The following SERINC5 variants were observed in gnomAD, a reference collection of about 807,000 sequenced individuals.
The protein encoded by SERINC5 is serine incorporator 5.
Under a neutral mutation model 63.1 loss-of-function variants are expected in SERINC5, and 41 were observed. That is an observed-to-expected ratio of 0.65 (90% CI 0.51 to 0.84). The LOEUF is 0.84. SERINC5 is among the 40% of genes least tolerant of loss of function. The probability of loss-of-function intolerance (pLI) is 0.00; values close to 1 mark genes in which losing one functional copy is unlikely to be tolerated. For missense variants in SERINC5, 523 were observed against 573.0 expected (o/e 0.91, Z 0.89); for synonymous variants, 222 against 215.2 (o/e 1.03, Z -0.28).
At chr5:80,219,877 T>C (rs955116365) in intron 1 of SERINC5, among the ~76,000 whole-genome samples, 1 of 152,148 alleles carries the variant, frequency 6.6e-6, no homozygotes, top group African/African-American at 2.4e-5. Flanking sequence ...ATTCAGGGTA[T>C]TGGCTACACA....
downstream of SERINC5, among the ~76,000 whole-genome samples, chr5:80,134,032 A>T (rs6863890): frequency 7.5e-3 from 1,140 of 152,304 alleles, 18 homozygotes; most frequent in African/African-American, 0.026. Context: ...TGGAGGAGCA[A>T]TTTGGAGGGG....
chr5:80,142,606 A>AT lies in SERINC5; in HGVS notation c.*1056dup, dbSNP rs1426207941. On this transcript the variant is annotated 3_prime_UTR_variant, in exon 12 of 12. Coordinates refer to ENST00000507668, the MANE Select transcript of SERINC5 (RefSeq NM_001174072.3). ...TCACATTAGCAAACCTACTCCAAGG[A>AT]TGCCAGCATGAACCTGAACGGTATG... 5 of 985,346 alleles carry AT rather than the reference A, an allele frequency of 5.1e-6. No individual in the cohort carries two copies. In the African/African-American group the frequency reaches 8.7e-5, roughly 17 times the overall value. The allele number at this position is 985,346 out of a possible 1,614,324, so 61.0% of individuals were successfully genotyped here. A position where few individuals can be genotyped will look rare whatever the true frequency, so the allele number is the denominator to read the frequency against.
intron 2 of SERINC5, among the ~76,000 whole-genome samples, chr5:80,191,496 GAA>G (rs70982033): frequency 7.5e-5 from 9 of 119,262 alleles, no homozygotes; most frequent in Non-Finnish European, 1.2e-4. Context: ...AAAAAAAAAA[GAA>G]AAAAAAAAAA....
intron 1 of SERINC5, among the ~76,000 whole-genome samples, chr5:80,251,930 C>T (rs1752442371): frequency 2.1e-5 from 1 of 47,504 alleles, no homozygotes; most frequent in Non-Finnish European, 4.8e-5. Flanking sequence ...TCATAAATGC[C>T]TATACTTGCC....
intron 1 of SERINC5, among the ~76,000 whole-genome samples, chr5:80,240,149 G>A (rs181313976): frequency 7.4e-4 from 112 of 152,262 alleles, no homozygotes; most frequent in African/African-American, 2.5e-3. Flanking sequence ...GTAGAAAACT[G>A]CACCAAGCTG....
chr5:80,111,825 CT>C (rs1372806434), intron 12 of SERINC5: 2 of 152,240 alleles, frequency 1.3e-5, no homozygotes, highest in African/African-American at 4.8e-5. Flanking sequence ...CCTTGAGATG[CT>C]GTTAATCTGT....
chr5:80,137,640 CTCAA>C (rs1561356514), downstream of SERINC5, among the ~76,000 whole-genome samples: 1 of 70,048 alleles, frequency 1.4e-5, no homozygotes, highest in Non-Finnish European at 3.5e-5. Context: ...AAGACTCTAA[CTCAA>C]AAAAAAAAAA....
At chr5:80,239,375 T>A in intron 1 of SERINC5, among the ~76,000 whole-genome samples, 1 of 150,606 alleles carries the variant, frequency 6.6e-6, no homozygotes, top group Non-Finnish European at 1.5e-5. Flanking sequence ...ATATTTTGGC[T>A]TCTTAGTGAA....
intron 4 of SERINC5, 127 bp from the exon 5 acceptor site, chr5:80,175,174 G>A: frequency 1.7e-6 from 1 of 603,302 alleles, no homozygotes; most frequent in Non-Finnish European, 3.0e-6. Flanking sequence ...AACCATATAA[G>A]ATATGTATTA....
Position 80,151,080 on chromosome 5 carries a change from A to G in SERINC5, c.987-132T>C, listed in dbSNP as rs563082299. On this transcript the variant is annotated intron_variant, in intron 8 of 11. Transcript: ENST00000507668. ...CTACCGTTCAGGAGACTTAAATCAAAGCAATCTATTTTAATACCTCTCCTT... is the reference window on the plus strand; with the variant it reads ...CTACCGTTCAGGAGACTTAAATCAAGGCAATCTATTTTAATACCTCTCCTT... 5.7e-4 allele frequency: 405 copies of G among 709,462 alleles called. 1 individual carries two copies. Among genetic ancestry groups the G allele is most frequent in the Middle Eastern group, 2.3e-3 (6 of 2,640 alleles). 43.9% of individuals were successfully genotyped at this position (709,462 alleles called of 1,614,324 possible).
intron 11 of SERINC5, 67 bp downstream of exon 11, chr5:80,146,023 C>A: frequency 1.9e-6 from 3 of 1,544,400 alleles, no homozygotes; most frequent in Middle Eastern, 1.7e-4. Flanking sequence ...CAAACAAACA[C>A]GAACAGTACT....
intron 5 of SERINC5, 114 bp from the exon 6 acceptor site, chr5:80,169,660 A>T: frequency 1.4e-6 from 1 of 736,164 alleles, no homozygotes; most frequent in African/African-American, 1.7e-5. Context: ...TACAGGCCAC[A>T]GGCACTGGTA....
chr5:80,220,987 T>A, intron 1 of SERINC5, among the ~76,000 whole-genome samples: 1 of 149,066 alleles, frequency 6.7e-6, no homozygotes, highest in Non-Finnish European at 1.5e-5. Context: ...CCCCCAAGAG[T>A]GGAGGAAGCC....
chr5:80,118,631 T>A (rs980122643), intron 11 of SERINC5, among the ~76,000 whole-genome samples: 5 of 151,988 alleles, frequency 3.3e-5, no homozygotes, highest in African/African-American at 1.2e-4. Flanking sequence ...AGCTGAAACC[T>A]CTGCCTCCCA....
At position 80,174,984 on chromosome 5, in the gene SERINC5, A is replaced by G; in HGVS notation, c.521T>C (p.Val174Ala). The change falls in exon 5 of 12, where the codon GTG (valine) becomes GCG (alanine). Residue 174 changes from valine to alanine, a missense_variant. By Grantham distance (64) the Val-to-Ala change is moderately conservative. Coordinates refer to ENST00000507668, the MANE Select transcript of SERINC5 (RefSeq NM_001174072.3). ...CTTGTTCCACTTATGTGCAAACTCC[A>G]CGAGCAGGAGGAGCTGGATGCCAAT... ...LFIGIQLLLL[V>A]EFAHKWNKNW... 1 of 1,602,880 alleles carries G rather than the reference A, an allele frequency of 6.2e-7. No homozygotes were observed. The highest frequency in any genetic ancestry group is 2.3e-5 in the East Asian group (1 of 44,402).
intron 2 of SERINC5, chr5:80,198,716 G>A (rs1749652024): frequency 1.0e-6 from 1 of 985,168 alleles, no homozygotes; most frequent in South Asian, 4.7e-5. Flanking sequence ...CTGAGGATGA[G>A]GTCAGCCTCT....
chr5:80,131,669 T>C (rs1744955247), intron 11 of SERINC5, among the ~76,000 whole-genome samples: 1 of 152,188 alleles, frequency 6.6e-6, no homozygotes, highest in South Asian at 2.1e-4. Flanking sequence ...CTGTAGAGTC[T>C]TTGGCTTTTA....
chr5:80,230,913 A>G (rs1003239963), intron 1 of SERINC5, among the ~76,000 whole-genome samples: 5 of 152,116 alleles, frequency 3.3e-5, no homozygotes, highest in African/African-American at 1.2e-4. Context: ...CCTGGGCTCA[A>G]GCAATCCTTC....
downstream of SERINC5, among the ~76,000 whole-genome samples, chr5:80,138,333 C>T (rs1225510891): frequency 1.3e-5 from 2 of 152,062 alleles, no homozygotes; most frequent in South Asian, 2.1e-4. Flanking sequence ...CGGTGGCTCA[C>T]GTCTGTAATC....
Sources: allele counts gnomAD v4.1 joint callset (sites outside exome capture counted in the v4.1 genomes callset), GRCh38; gene constraint gnomAD v4.1.1; transcripts MANE v1.5; gene names NCBI Gene and HGNC (gene_info 2026-07-23, HGNC 2026-07-21).